LIN28B: variants seen among roughly 807,000 people sequenced by gnomAD.
LIN28B encodes lin-28 RNA binding posttranscriptional regulator B, also known as protein lin-28 homolog B.
LIN28B carries 5 observed loss-of-function variants against 21.9 expected under a neutral mutation model. The ratio of observed to expected loss-of-function variants is 0.23; its 90% CI spans 0.12 to 0.48. LIN28B has a LOEUF of 0.48. Ranked by LOEUF, LIN28B falls within the 20% of genes least tolerant of loss-of-function variation. LIN28B has a pLI of 0.98. For synonymous variants in LIN28B, 109 were observed against 111.3 expected, an observed-to-expected ratio of 0.98 and a Z score of 0.13; for missense variants, 245 against 310.5, an observed-to-expected ratio of 0.79 and a Z score of 1.58.
At chr6:105,017,580 T>C (rs887524816) in intron 2 of LIN28B, among the ~76,000 whole-genome samples, 1 of 152,216 alleles carries the variant, frequency 6.6e-6, no homozygotes, top group Non-Finnish European at 1.5e-5. Context: ...ACTGGGGCTC[T>C]GAGTGTTTTT....
intron 2 of LIN28B, among the ~76,000 whole-genome samples, chr6:104,945,466 T>C (rs1778145835): frequency 6.6e-6 from 1 of 152,120 alleles, no homozygotes; most frequent in African/African-American, 2.4e-5. Context: ...CTTGTTATTA[T>C]TGTAATTAAA....
intron 2 of LIN28B, chr6:104,939,248 CAAT>C (rs1778051325): frequency 6.6e-6 from 1 of 152,130 alleles, no homozygotes; most frequent in African/African-American, 2.4e-5. Context: ...TAAATTGATA[CAAT>C]GATTATAACT....
chr6:104,961,866 T>C (rs1582866088), intron 2 of LIN28B, among the ~76,000 whole-genome samples: 1 of 152,190 alleles, frequency 6.6e-6, no homozygotes, highest in African/African-American at 2.4e-5. Flanking sequence ...TTTTTTGAAA[T>C]GTTAAAAGTT....
At chr6:105,011,069 T>C (rs1770913240) in intron 2 of LIN28B, among the ~76,000 whole-genome samples, 1 of 152,240 alleles carries the variant, frequency 6.6e-6, no homozygotes, top group African/African-American at 2.4e-5. Context: ...CCGACTCTCC[T>C]TTGTTCCAGA....
intron 3 of LIN28B, among the ~76,000 whole-genome samples, chr6:105,050,671 G>A (rs558305526): frequency 2.0e-5 from 3 of 146,560 alleles, no homozygotes; most frequent in East Asian, 4.0e-4. Flanking sequence ...CTTCTGGCTT[G>A]TAGAGTTTCT....
chr6:105,042,299 T>G (rs1026814661), intron 3 of LIN28B, among the ~76,000 whole-genome samples: 5 of 152,204 alleles, frequency 3.3e-5, no homozygotes, highest in African/African-American at 9.7e-5. Flanking sequence ...ACTGTTACTG[T>G]TTTTCAAGAA....
intron 2 of LIN28B, among the ~76,000 whole-genome samples, chr6:104,994,035 CCTT>C (rs1373457616): frequency 6.6e-6 from 1 of 151,970 alleles, no homozygotes; most frequent in Non-Finnish European, 1.5e-5. Flanking sequence ...GACGGAGTCT[CCTT>C]CTGTCGCCCA....
rs1772563632 is a variant in LIN28B at position 105,082,741 on chromosome 6, C to T, written c.*3958C>T. The T allele has an allele frequency of 1.3e-5, 2 of 152,572 alleles. No homozygotes were observed. Among genetic ancestry groups the T allele is most frequent in the Non-Finnish European group, 2.9e-5 (2 of 68,036 alleles). The allele number at this position is 152,572 out of a possible 1,614,324, so 9.5% of individuals were successfully genotyped here. On this transcript the variant is annotated 3_prime_UTR_variant, in exon 4 of 4. Transcript: ENST00000345080. Reference sequence around the variant, plus strand: ...TAGAGTGAGAAGTTGACCTATGATTCATTTTTAAATTTTATATTTGGAACA... The same window carrying T: ...TAGAGTGAGAAGTTGACCTATGATTTATTTTTAAATTTTATATTTGGAACA...
At chr6:105,047,464 T>C (rs1771793853) in intron 3 of LIN28B, among the ~76,000 whole-genome samples, 1 of 152,206 alleles carries the variant, frequency 6.6e-6, no homozygotes, top group Non-Finnish European at 1.5e-5. Flanking sequence ...TGCCTCCAGC[T>C]TTGTTCTTTT....
At position 104,975,356 on chromosome 6, in the gene LIN28B, T is replaced by C. The variant is rs1770068667; in HGVS notation, c.198+17070T>C. Among the ~76,000 whole-genome samples, 5 of 152,182 alleles carry C rather than the reference T, an allele frequency of 3.3e-5. 1 individual carries two copies. In the South Asian group the frequency reaches 1.0e-3, roughly 32 times the overall value. On this transcript the variant is annotated intron_variant, in intron 2 of 3. Coordinates refer to ENST00000345080, the MANE Select transcript of LIN28B (RefSeq NM_001004317.4). The stretch of plus-strand genomic sequence containing the variant: ...CTCTGCAGATTAACATTTGTAGTTA[T>C]TTTATAGTTTTATACATTAACATTT...
intron 3 of LIN28B, among the ~76,000 whole-genome samples, chr6:105,047,406 T>G (rs543601691): frequency 6.6e-6 from 1 of 152,322 alleles, no homozygotes; most frequent in South Asian, 2.1e-4. Context: ...TAGCATGCTG[T>G]TTTGATTACT....
chr6:104,955,732 A>G (rs1422217202), upstream of LIN28B, among the ~76,000 whole-genome samples: 1 of 150,846 alleles, frequency 6.6e-6, no homozygotes, highest in Non-Finnish European at 1.5e-5. Flanking sequence ...GTGGTATCTG[A>G]ACAGTTAGTT....
At chr6:104,991,413 C>T (rs1429336940) in intron 2 of LIN28B, among the ~76,000 whole-genome samples, 3 of 143,744 alleles carry the variant, frequency 2.1e-5, no homozygotes, top group Non-Finnish European at 3.0e-5. Context: ...ACATCCCAGA[C>T]GGGGCGGCGG....
chr6:104,959,605 C>G (rs1487527974), intron 2 of LIN28B, among the ~76,000 whole-genome samples: 1 of 152,128 alleles, frequency 6.6e-6, no homozygotes, highest in Non-Finnish European at 1.5e-5. Context: ...GTGGAAGGAT[C>G]AGCATAATCT....
intron 3 of LIN28B, among the ~76,000 whole-genome samples, chr6:105,065,138 A>C (rs1005439924): frequency 2.0e-5 from 3 of 152,156 alleles, no homozygotes; most frequent in African/African-American, 7.2e-5. Flanking sequence ...CGAAATGTTC[A>C]AATAGGAAGA....
At chr6:105,010,708 C>G (rs1002596471) in intron 2 of LIN28B, among the ~76,000 whole-genome samples, 5 of 152,136 alleles carry the variant, frequency 3.3e-5, no homozygotes, top group Admixed American at 3.3e-4. Flanking sequence ...AACTAGAGTT[C>G]ACTATCTTTT....
At position 105,082,998 on chromosome 6, in the gene LIN28B, A is replaced by G. The variant is rs1303968172; in HGVS notation, c.*4215A>G. On this transcript the variant is annotated 3_prime_UTR_variant, in exon 4 of 4. Coordinates refer to ENST00000345080, the MANE Select transcript of LIN28B (RefSeq NM_001004317.4). Reference sequence around the variant, plus strand: ...GAGACCAAAGTGAACCCTGATTTTTATATGTCTTTAATAATGGTGTTTTAT... The same window carrying G: ...GAGACCAAAGTGAACCCTGATTTTTGTATGTCTTTAATAATGGTGTTTTAT... The G allele has an allele frequency of 6.6e-6, 1 of 152,608 alleles. No individual in the cohort carries two copies. The allele number at this position is 152,608 out of a possible 1,614,324, so 9.5% of individuals were successfully genotyped here.
intron 2 of LIN28B, among the ~76,000 whole-genome samples, chr6:105,016,048 G>A (rs184253611): frequency 3.0e-4 from 45 of 152,174 alleles, no homozygotes; most frequent in Admixed American, 1.9e-3. Flanking sequence ...TTTCAACAGT[G>A]CAACATTAAT....
At chr6:105,068,579 G>A (rs1416809144) in intron 3 of LIN28B, among the ~76,000 whole-genome samples, 5 of 152,108 alleles carry the variant, frequency 3.3e-5, no homozygotes, top group South Asian at 2.1e-4. Context: ...TGCTTGTTAC[G>A]CTGAATAGTA....
Sources: gnomAD v4.1 joint callset for allele counts (sites outside exome capture counted in the v4.1 genomes callset) on GRCh38, gnomAD v4.1.1 for gene constraint, MANE v1.5 for transcripts, NCBI Gene and HGNC (gene_info 2026-07-23, HGNC 2026-07-21) for gene names.